ARHGEF33: variants seen among roughly 807,000 people sequenced by gnomAD.
ARHGEF33 encodes DH and coiled-coil domain-containing protein ENSP00000381780.
Under a neutral mutation model 101.9 loss-of-function variants are expected in ARHGEF33, and 72 were observed. The observed-to-expected ratio is 0.71, with a 90% CI of 0.58 to 0.86. ARHGEF33 has a LOEUF of 0.86. Ranked by LOEUF, ARHGEF33 falls within the 40% of genes least tolerant of loss-of-function variation. ARHGEF33 has a pLI of 0.00. For synonymous variants in ARHGEF33, 499 were observed against 442.5 expected (o/e 1.13, Z -1.60); for missense variants, 1,169 against 1,111.3 (o/e 1.05, Z -0.74).
Position 38,960,468 on chromosome 2 carries a change from GGCCCCAC to G in ARHGEF33, c.2167_2173del (p.Pro723SerfsTer55). Reference sequence around the variant, plus strand: ...CGCGTGCGCCGCCAGCCGACGGCGTGGCCCCACGCCTCTACAGCACGCGCAGCAGCAG... The same window carrying G: ...CGCGTGCGCCGCCAGCCGACGGCGTGGCCTCTACAGCACGCGCAGCAGCAG... On this transcript the variant is annotated frameshift_variant, in exon 16 of 18. Coordinates refer to ENST00000409978, the MANE Select transcript of ARHGEF33 (RefSeq NM_001145451.5). LOFTEE classifies it high-confidence loss of function. The G allele has an allele frequency of 6.7e-7, 1 of 1,493,198 alleles. No individual in the cohort carries two copies. 92.5% of individuals were successfully genotyped at this position (1,493,198 alleles called of 1,614,324 possible).
intron 2 of ARHGEF33, among the ~76,000 whole-genome samples, chr2:38,918,925 G>A (rs761679106): frequency 3.3e-5 from 5 of 151,582 alleles, no homozygotes; most frequent in Non-Finnish European, 7.4e-5. Flanking sequence ...ATAAGCCTGT[G>A]GTCCCAGCTA....
intron 2 of ARHGEF33, among the ~76,000 whole-genome samples, chr2:38,900,370 G>A (rs1346612649): frequency 1.3e-5 from 2 of 152,066 alleles, no homozygotes; most frequent in Admixed American, 1.3e-4. Flanking sequence ...AAAATGAGAA[G>A]TATTTCATTA....
Position 38,966,135 on chromosome 2 carries a change from T to C in ARHGEF33, c.2473T>C (p.Phe825Leu). 1 of 1,551,506 alleles carries C rather than the reference T, an allele frequency of 6.4e-7. No homozygotes were observed. Among genetic ancestry groups the C allele is most frequent in the Non-Finnish European group, 8.7e-7 (1 of 1,146,950 alleles). Reference protein sequence around the residue: ...GGFRSSFRKLFKKKSSGSEYR... With the variant: ...GGFRSSFRKLLKKKSSGSEYR... ...CTTTCGCAGCTCCTTCCGCAAGCTC[T>C]TTAAAAAGAAGTGAGTAGCCCTTAG... Residue 825 changes from phenylalanine (F) to leucine (L), a missense_variant, in exon 17 of 18, where the codon TTT (phenylalanine) becomes CTT (leucine). Physicochemically the swap from Phe to Leu is conservative, Grantham distance 22. Transcript: ENST00000409978.
At chr2:38,896,161 G>C (rs1012701751) in intron 2 of ARHGEF33, among the ~76,000 whole-genome samples, 23 of 152,262 alleles carry the variant, frequency 1.5e-4, no homozygotes, top group African/African-American at 5.3e-4. Context: ...GTTTTGTTTT[G>C]AGATAGAGTC....
rs551325207 is a variant in ARHGEF33 at position 38,935,334 on chromosome 2, C to G, written c.506-441C>G. ...TAGCTGGGACCACAGGCACATACCA[C>G]CATGCCCGGCTAATTTCTGGGTTTT... On this transcript the variant is annotated intron_variant, in intron 7 of 17. Coordinates refer to ENST00000409978, the MANE Select transcript of ARHGEF33 (RefSeq NM_001145451.5). Among the ~76,000 whole-genome samples, 8 of 150,656 alleles carry G rather than the reference C, an allele frequency of 5.3e-5. No homozygotes were observed. In the East Asian group the frequency reaches 1.6e-3, roughly 30 times the overall value.
At chr2:38,929,899 C>G (rs576493010) in intron 6 of ARHGEF33, 69 bp downstream of exon 6, 2 of 1,366,544 alleles carry the variant, frequency 1.5e-6, no homozygotes, top group East Asian at 5.0e-5. Context: ...GCACCTGGTA[C>G]ACATTCCCCA....
At chr2:38,963,796 T>C (rs149457799) in intron 16 of ARHGEF33, among the ~76,000 whole-genome samples, 4 of 152,306 alleles carry the variant, frequency 2.6e-5, no homozygotes, top group Admixed American at 6.5e-5. Flanking sequence ...GTGATTGATA[T>C]AAACATTAAG....
At chr2:38,968,169 A>C (rs1476967555) in intron 17 of ARHGEF33, among the ~76,000 whole-genome samples, 1 of 152,110 alleles carries the variant, frequency 6.6e-6, no homozygotes, top group Non-Finnish European at 1.5e-5. Flanking sequence ...TTCAGAGGGC[A>C]GAACTAGGAG....
intron 2 of ARHGEF33, among the ~76,000 whole-genome samples, chr2:38,900,377 A>G (rs1318515983): frequency 6.6e-6 from 1 of 152,214 alleles, no homozygotes; most frequent in Non-Finnish European, 1.5e-5. Context: ...GAAGTATTTC[A>G]TTAGATAAAG....
At position 38,956,823 on chromosome 2, in the gene ARHGEF33, A is replaced by G. The variant is rs1463055263; in HGVS notation, c.1222-76A>G. The G allele has an allele frequency of 4.1e-6, 6 of 1,471,912 alleles. No individual in the cohort carries two copies. The East Asian group carries it at 1.2e-4, about 30-fold the overall frequency. The allele number at this position is 1,471,912 out of a possible 1,614,324, so 91.2% of individuals were successfully genotyped here. On this transcript the variant is annotated intron_variant, in intron 13 of 17. Coordinates refer to ENST00000409978, the MANE Select transcript of ARHGEF33 (RefSeq NM_001145451.5). ...GGCTATGAATCTCCCACAATAGATC[A>G]AGGTGAGGTGCAGAAGAGAAAAAAC...
Position 38,966,772 on chromosome 2 carries a change from C to G in ARHGEF33, c.2483+627C>G, listed in dbSNP as rs115684136. Among the ~76,000 whole-genome samples, 515 of 152,246 alleles carry G rather than the reference C, an allele frequency of 3.4e-3. 5 individuals are homozygous for G. Among genetic ancestry groups the G allele is most frequent in the African/African-American group, 0.012 (493 of 41,542 alleles). On this transcript the variant is annotated intron_variant, in intron 17 of 17. Coordinates refer to ENST00000409978, the MANE Select transcript of ARHGEF33 (RefSeq NM_001145451.5). The stretch of plus-strand genomic sequence containing the variant: ...AGTCGTTGTTGTGTAAAACATCACC[C>G]ACAGGCATTTTGGTCAGCACTGTCT...
chr2:38,908,912 T>C (rs1485771924), intron 2 of ARHGEF33, among the ~76,000 whole-genome samples: 1 of 152,164 alleles, frequency 6.6e-6, no homozygotes, highest in Admixed American at 6.6e-5. Context: ...CTCTCTATAT[T>C]TACCACTAAG....
At chr2:38,898,605 A>G (rs1448109216) in intron 2 of ARHGEF33, among the ~76,000 whole-genome samples, 1 of 152,230 alleles carries the variant, frequency 6.6e-6, no homozygotes, top group Non-Finnish European at 1.5e-5. Context: ...AATGTAGTAT[A>G]AAGCCAGGCT....
Position 38,953,212 on chromosome 2 carries a change from C to T in ARHGEF33, c.1104C>T (p.Cys368=). Reference sequence around the variant, plus strand: ...CCTACCTAAGGGACCTGCCTGAGTGCATCTCATTGGTTCATGTTGTAGTCC... The same window carrying T: ...CCTACCTAAGGGACCTGCCTGAGTGTATCTCATTGGTTCATGTTGTAGTCC... ...YVAYLRDLPE[C]ISLVHVVVLK... is the part of the protein sequence containing the mutation. The change falls in exon 12 of 18, where the codon TGC becomes TGT. Residue 368 remains cysteine, a synonymous_variant. Coordinates refer to ENST00000409978, the MANE Select transcript of ARHGEF33 (RefSeq NM_001145451.5). The T allele has an allele frequency of 6.5e-7, 1 of 1,544,384 alleles. No individual in the cohort carries two copies. Among genetic ancestry groups the T allele is most frequent in the Non-Finnish European group, 8.8e-7 (1 of 1,140,016 alleles).
At chr2:38,959,704 T>C in intron 15 of ARHGEF33, 137 bp from the exon 16 acceptor site, 1 of 945,922 alleles carries the variant, frequency 1.1e-6, no homozygotes, top group South Asian at 1.9e-5. Context: ...GGGAGCGCCT[T>C]AGTGGAAGTT....
intron 4 of ARHGEF33, among the ~76,000 whole-genome samples, chr2:38,927,807 T>G (rs1029656089): frequency 1.3e-5 from 2 of 152,192 alleles, no homozygotes; most frequent in Non-Finnish European, 2.9e-5. Flanking sequence ...CTTGATAGAG[T>G]GTAAGATCAT....
chr2:38,905,805 G>A (rs996953439), intron 2 of ARHGEF33, among the ~76,000 whole-genome samples: 17 of 152,162 alleles, frequency 1.1e-4, no homozygotes, highest in Admixed American at 4.6e-4. Context: ...TTGTCTTCAG[G>A]TGAAGGAATC....
chr2:38,907,036 A>G (rs1187746624), intron 2 of ARHGEF33, among the ~76,000 whole-genome samples: 2 of 152,146 alleles, frequency 1.3e-5, no homozygotes, highest in Non-Finnish European at 2.9e-5. Context: ...CATGAAGGGT[A>G]TAAGACATGA....
intron 17 of ARHGEF33, among the ~76,000 whole-genome samples, chr2:38,970,945 TC>T (rs1668154122): frequency 6.6e-6 from 1 of 152,216 alleles, no homozygotes. Flanking sequence ...ACTGGTGCTG[TC>T]CTTTGTATTT....
Sources: allele counts gnomAD v4.1 joint callset (sites outside exome capture counted in the v4.1 genomes callset), GRCh38; gene constraint gnomAD v4.1.1; transcripts MANE v1.5; gene names NCBI Gene and HGNC (gene_info 2026-07-23, HGNC 2026-07-21).